The following TMEM132C variants were observed in gnomAD, a reference collection of about 807,000 sequenced individuals.
The protein encoded by TMEM132C is protein phosphatase 1, regulatory subunit 152.
TMEM132C carries 29 observed loss-of-function variants against 61.4 expected under a neutral mutation model. The observed-to-expected ratio is 0.47, with a 90% CI of 0.35 to 0.64. The LOEUF is 0.64. Among genes scored for constraint, TMEM132C ranks in the 30% least tolerant of loss-of-function variants. The pLI is 0.00. For missense variants in TMEM132C, 1,408 were observed against 1,476.9 expected (o/e 0.95, Z 0.76); for synonymous variants, 656 against 633.1 (o/e 1.04, Z -0.54).
At chr12:128,380,363 C>A (rs1874362178) in intron 1 of TMEM132C, among the ~76,000 whole-genome samples, 1 of 152,222 alleles carries the variant, frequency 6.6e-6, no homozygotes, top group Non-Finnish European at 1.5e-5. Flanking sequence ...CCAGTGCCTG[C>A]CCTTCCGCCT....
intron 2 of TMEM132C, among the ~76,000 whole-genome samples, chr12:128,522,397 G>A (rs781661679): frequency 1.3e-5 from 2 of 152,146 alleles, no homozygotes; most frequent in African/African-American, 2.4e-5. Context: ...TTGCTAGCCC[G>A]GCACTCTGCC....
At chr12:128,424,239 T>A (rs74589049) in intron 2 of TMEM132C, among the ~76,000 whole-genome samples, 1,961 of 152,204 alleles carry the variant, frequency 0.013, 44 homozygotes, top group African/African-American at 0.045. Flanking sequence ...CTCCTACTTA[T>A]GCACAAAATA....
intron 5 of TMEM132C, among the ~76,000 whole-genome samples, chr12:128,674,818 C>T (rs781485881): frequency 6.6e-6 from 1 of 152,112 alleles, no homozygotes; most frequent in Non-Finnish European, 1.5e-5. Context: ...TCTTTTATCC[C>T]TTGCCTCCCG....
At chr12:128,486,464 G>C (rs1871494092) in intron 2 of TMEM132C, among the ~76,000 whole-genome samples, 1 of 152,128 alleles carries the variant, frequency 6.6e-6, no homozygotes, top group South Asian at 2.1e-4. Flanking sequence ...CAAGCTAAGA[G>C]GCAAAGGACC....
intron 2 of TMEM132C, among the ~76,000 whole-genome samples, chr12:128,511,828 C>T (rs1872575361): frequency 6.6e-6 from 1 of 152,220 alleles, no homozygotes; most frequent in Non-Finnish European, 1.5e-5. Flanking sequence ...CCTACTGCTA[C>T]AGTCTGGCTG....
chr12:128,458,905 G>A (rs976713914), intron 2 of TMEM132C, among the ~76,000 whole-genome samples: 5 of 152,220 alleles, frequency 3.3e-5, no homozygotes, highest in African/African-American at 9.6e-5. Context: ...GTCTGCAAGG[G>A]AGGCTGGGGA....
At chr12:128,450,483 A>G (rs550367853) in intron 2 of TMEM132C, among the ~76,000 whole-genome samples, 46 of 152,364 alleles carry the variant, frequency 3.0e-4, no homozygotes, top group Middle Eastern at 6.8e-3. Flanking sequence ...TTGAATGATT[A>G]AAGACCAATA....
At chr12:128,686,393 C>T (rs999274902) in intron 5 of TMEM132C, among the ~76,000 whole-genome samples, 11 of 152,170 alleles carry the variant, frequency 7.2e-5, no homozygotes, top group African/African-American at 2.7e-4. Flanking sequence ...TTAGTTGGAC[C>T]AACCTGGGAA....
chr12:128,268,629 C>CTT (rs1365195992), intron 1 of TMEM132C, among the ~76,000 whole-genome samples: 7 of 152,182 alleles, frequency 4.6e-5, no homozygotes, highest in African/African-American at 1.4e-4. Context: ...GAGCAGAGAA[C>CTT]ACTCAAAGCC....
intron 1 of TMEM132C, among the ~76,000 whole-genome samples, chr12:128,272,094 C>T (rs1362219158): frequency 6.6e-6 from 1 of 152,134 alleles, no homozygotes; most frequent in South Asian, 2.1e-4. Context: ...TTCTAAGTTT[C>T]GACAAATGCA....
At chr12:128,544,313 G>A (rs964230666) in intron 3 of TMEM132C, among the ~76,000 whole-genome samples, 12 of 152,370 alleles carry the variant, frequency 7.9e-5, no homozygotes, top group African/African-American at 1.9e-4. Flanking sequence ...GCAGCGCTGC[G>A]GGGTCAGCTT....
chr12:128,650,688 T>C (rs960336907), intron 4 of TMEM132C, among the ~76,000 whole-genome samples: 4 of 152,004 alleles, frequency 2.6e-5, no homozygotes, highest in Non-Finnish European at 5.9e-5. Context: ...GTGAACTTTT[T>C]TGCCACTGCA....
intron 5 of TMEM132C, among the ~76,000 whole-genome samples, chr12:128,680,126 G>C (rs1314667656): frequency 2.0e-5 from 3 of 152,234 alleles, no homozygotes; most frequent in South Asian, 2.1e-4. Context: ...GGTCGTCCAA[G>C]GCCTTGGAGT....
intron 1 of TMEM132C, among the ~76,000 whole-genome samples, chr12:128,392,597 T>G (rs995302661): frequency 6.6e-6 from 1 of 152,092 alleles, no homozygotes; most frequent in Non-Finnish European, 1.5e-5. Context: ...GCCAAGGGTA[T>G]CAAAGAAGAC....
chr12:128,492,890 A>G (rs975550482), intron 2 of TMEM132C, among the ~76,000 whole-genome samples: 1 of 152,116 alleles, frequency 6.6e-6, no homozygotes, highest in African/African-American at 2.4e-5. Context: ...TTTTGTTGCC[A>G]TTGCTTTTGG....
intron 1 of TMEM132C, among the ~76,000 whole-genome samples, chr12:128,364,222 C>G (rs191884489): frequency 1.3e-5 from 2 of 151,786 alleles, no homozygotes; most frequent in Non-Finnish European, 2.9e-5. Flanking sequence ...CTCTCTCTCT[C>G]TGTTTTCTTC....
chr12:128,591,998 G>A lies in TMEM132C; in HGVS notation c.1122-24154G>A, dbSNP rs567915578. On this transcript the variant is annotated intron_variant, in intron 3 of 8. Transcript: ENST00000435159. ...ACCCGAGAGGCGGATGTTGCAGTGA[G>A]CTGAGATTGTGTCACTGCACTCCAA... Among the ~76,000 whole-genome samples, 4 of 147,816 alleles carry A rather than the reference G, an allele frequency of 2.7e-5. No individual in the cohort carries two copies. The East Asian group carries it at 6.0e-4, about 22-fold the overall frequency.
Position 128,448,908 on chromosome 12 carries a change from C to T in TMEM132C, c.974+33288C>T, listed in dbSNP as rs114294902. ...AATTAAGAAATTTTATAGGCCGAGG[C>T]GGGCGGATCACGAGGTCAGGAGATC... On this transcript the variant is annotated intron_variant, in intron 2 of 8. Coordinates refer to ENST00000435159, the MANE Select transcript of TMEM132C (RefSeq NM_001136103.3). Among the ~76,000 whole-genome samples the T allele has an allele frequency of 5.8e-3, 882 of 151,982 alleles. 5 individuals carry two copies. The highest frequency in any genetic ancestry group is 0.02 in the African/African-American group (846 of 41,492).
chr12:128,511,590 C>T (rs764847383), intron 2 of TMEM132C, among the ~76,000 whole-genome samples: 1 of 152,222 alleles, frequency 6.6e-6, no homozygotes, highest in Admixed American at 6.5e-5. Flanking sequence ...GAGCCACAGA[C>T]AGTGTCACTT....
Sources: gnomAD v4.1 joint callset for allele counts (sites outside exome capture counted in the v4.1 genomes callset) on GRCh38, gnomAD v4.1.1 for gene constraint, MANE v1.5 for transcripts, NCBI Gene and HGNC (gene_info 2026-07-23, HGNC 2026-07-21) for gene names.